HDHD5: variants seen among roughly 807,000 people sequenced by gnomAD.
HDHD5 encodes haloacid dehalogenase-like hydrolase domain-containing 5.
HDHD5 carries 34 observed loss-of-function variants against 35.5 expected under a neutral mutation model. The observed-to-expected ratio is 0.96, with a 90% CI of 0.73 to 1.28. The LOEUF is 1.28. Ranked by LOEUF, HDHD5 falls within the 50% of genes most tolerant of loss-of-function variation. HDHD5 has a pLI of 0.00. For missense variants in HDHD5, 589 were observed against 560.2 expected (o/e 1.05, Z -0.52); for synonymous variants, 248 against 240.6 (o/e 1.03, Z -0.29).
intron 4 of HDHD5, 33 bp downstream of exon 4, chr22:17,144,991 T>C (rs1460075835): frequency 6.2e-7 from 1 of 1,612,284 alleles, no homozygotes; most frequent in Non-Finnish European, 8.5e-7. Flanking sequence ...GAGTGAAGGA[T>C]GAAGACACAG....
At chr22:17,141,427 G>A in intron 5 of HDHD5, 194 bp from the exon 6 acceptor site, 1 of 1,360,954 alleles carries the variant, frequency 7.3e-7, no homozygotes, top group Non-Finnish European at 9.4e-7. Context: ...CCAGGGCCCA[G>A]GAAGGAGATT....
At chr22:17,146,257 C>A (rs1457541826) in intron 3 of HDHD5, among the ~76,000 whole-genome samples, 3 of 152,136 alleles carry the variant, frequency 2.0e-5, no homozygotes, top group African/African-American at 7.2e-5. Context: ...CCACAGGCAA[C>A]TCCTGCCCCA....
rs757749849 is a variant in HDHD5, at chr22:17,138,561, G to A, written c.924C>T (p.Leu308=). The change falls in exon 7 of 8, where the codon CTC becomes CTT. Residue 308 remains leucine, a synonymous_variant. Transcript: ENST00000336737. Reference sequence around the variant, plus strand: ...AGAGCAGAGCCTACCCCACAGCATAGAGCTTCCGGATGGGGGCGGCCCAGC... The same window carrying A: ...AGAGCAGAGCCTACCCCACAGCATAAAGCTTCCGGATGGGGGCGGCCCAGC... ...RRGWAAPIRK[L]YAVGDNPMSD... 5 of 1,614,054 alleles carry A rather than the reference G, an allele frequency of 3.1e-6. No homozygotes were observed. Among genetic ancestry groups the A allele is most frequent in the Non-Finnish European group, 4.2e-6 (5 of 1,179,954 alleles).
At chr22:17,158,246 G>A (rs1296776615) in intron 1 of HDHD5, among the ~76,000 whole-genome samples, 6 of 152,076 alleles carry the variant, frequency 3.9e-5, no homozygotes, top group African/African-American at 1.4e-4. Flanking sequence ...GCTTGAACCC[G>A]GGAGGCGGAG....
upstream of HDHD5, among the ~76,000 whole-genome samples, chr22:17,162,524 C>T (rs974655977): frequency 2.0e-5 from 3 of 152,178 alleles, no homozygotes; most frequent in Non-Finnish European, 4.4e-5. Context: ...AAAGCAGGAA[C>T]CAGAAATGGG....
At chr22:17,144,874 G>C (rs2061643010) in intron 4 of HDHD5, 150 bp downstream of exon 4, 1 of 936,244 alleles carries the variant, frequency 1.1e-6, no homozygotes, top group East Asian at 2.7e-5. Context: ...CATAAATTCA[G>C]GGAACAAAAC....
intron 5 of HDHD5, 140 bp from the exon 6 acceptor site, chr22:17,141,373 A>G (rs1173470458): frequency 1.4e-6 from 2 of 1,403,946 alleles, no homozygotes; most frequent in African/African-American, 3.0e-5. Flanking sequence ...CTCCCCAACA[A>G]GCCCAGTAGA....
chr22:17,138,456 G>A lies in HDHD5; in HGVS notation c.935+94C>T, dbSNP rs1204976593. 9.7e-6 allele frequency: 15 copies of A among 1,541,362 alleles called. No individual in the cohort carries two copies. In the East Asian group the frequency reaches 3.2e-4, roughly 32 times the overall value. On this transcript the variant is annotated intron_variant, in intron 7 of 7. Coordinates refer to ENST00000336737, the MANE Select transcript of HDHD5 (RefSeq NM_033070.3). ...CAGAGAAGAGTTTCGGGGCAGAAGA[G>A]TGAATTAGATATAGGGAAATGGGGG...
intron 1 of HDHD5, among the ~76,000 whole-genome samples, chr22:17,152,133 C>T (rs2061733630): frequency 6.6e-6 from 1 of 152,132 alleles, no homozygotes; most frequent in Non-Finnish European, 1.5e-5. Flanking sequence ...ACCAGAGGAA[C>T]CTGACCCACA....
chr22:17,156,754 C>A (rs1276151322), intron 1 of HDHD5, among the ~76,000 whole-genome samples: 2 of 145,904 alleles, frequency 1.4e-5, no homozygotes, highest in African/African-American at 5.1e-5. Flanking sequence ...CCAGCCTGGG[C>A]AACAGAGCGA....
chr22:17,143,085 G>C lies in HDHD5; in HGVS notation c.571+13C>G. The C allele has an allele frequency of 1.2e-6, 2 of 1,608,962 alleles. No homozygotes were observed. Among genetic ancestry groups the C allele is most frequent in the Non-Finnish European group, 1.7e-6 (2 of 1,177,862 alleles). Reference sequence around the variant, plus strand: ...AAAAGACCTCACAACTCATCAAAGAGGACCTCTCTTACCTTCAATGCGGGG... The same window carrying C: ...AAAAGACCTCACAACTCATCAAAGACGACCTCTCTTACCTTCAATGCGGGG... On this transcript the variant is annotated intron_variant, in intron 5 of 7. Coordinates refer to ENST00000336737, the MANE Select transcript of HDHD5 (RefSeq NM_033070.3).
chr22:17,163,881 C>T (rs2061877183), upstream of HDHD5, among the ~76,000 whole-genome samples: 2 of 152,200 alleles, frequency 1.3e-5, no homozygotes, highest in South Asian at 4.1e-4. Context: ...GTCTCCCTCA[C>T]AGTCCTGTCA....
chr22:17,142,879 G>A (rs1027566202), intron 5 of HDHD5: 12 of 511,868 alleles, frequency 2.3e-5, no homozygotes, highest in Middle Eastern at 9.7e-4. Context: ...AATTCTCTAA[G>A]CTTACGGTTT....
At position 17,149,645 on chromosome 22, in the gene HDHD5, T is replaced by G; in HGVS notation, c.227A>C (p.Asn76Thr). Reference sequence around the variant, plus strand: ...GGGCACCCGCAGCTGCCCCTGGGAGTTCACCAGCCTTCGGAAGGCTTTCAG... The same window carrying G: ...GGGCACCCGCAGCTGCCCCTGGGAGGTCACCAGCCTTCGGAAGGCTTTCAG... ...AALKAFRRLV[N>T]SQGQLRVPVV... is the part of the protein sequence containing the mutation. Residue 76 changes from asparagine to threonine, a missense_variant, in exon 2 of 8, where the codon AAC becomes ACC. Physicochemically the swap from Asn to Thr is moderately conservative, Grantham distance 65 (BLOSUM62 0). Coordinates refer to ENST00000336737, the MANE Select transcript of HDHD5 (RefSeq NM_033070.3). 1 of 1,613,716 alleles carries G rather than the reference T, an allele frequency of 6.2e-7. No homozygotes were observed. The highest frequency in any genetic ancestry group is 2.2e-5 in the East Asian group (1 of 44,876).
intron 6 of HDHD5, among the ~76,000 whole-genome samples, chr22:17,140,292 C>G (rs2061585303): frequency 3.3e-5 from 5 of 152,224 alleles, no homozygotes; most frequent in Admixed American, 3.3e-4. Flanking sequence ...AAAGGGCTGC[C>G]TCTATCTGTG....
At chr22:17,151,566 C>T (rs1429371285) in intron 1 of HDHD5, among the ~76,000 whole-genome samples, 1 of 151,978 alleles carries the variant, frequency 6.6e-6, no homozygotes, top group Non-Finnish European at 1.5e-5. Flanking sequence ...CTCGCCTCTA[C>T]TAAAAATACA....
chr22:17,155,958 A>C (rs1250861868), intron 1 of HDHD5, among the ~76,000 whole-genome samples: 2 of 152,224 alleles, frequency 1.3e-5, no homozygotes, highest in Non-Finnish European at 2.9e-5. Flanking sequence ...TTCCTTAAAA[A>C]GTCTGAAACA....
intron 2 of HDHD5, 62 bp downstream of exon 2, chr22:17,149,480 G>A (rs1378156464): frequency 2.6e-6 from 4 of 1,512,428 alleles, no homozygotes; most frequent in Non-Finnish European, 2.7e-6. Context: ...ACTTGGAGCT[G>A]GGGCAGCGGC....
chr22:17,140,436 C>A (rs1324702770), intron 6 of HDHD5, among the ~76,000 whole-genome samples: 7 of 152,080 alleles, frequency 4.6e-5, no homozygotes, highest in Admixed American at 4.6e-4. Flanking sequence ...CAGAACAATC[C>A]TTGGCCGGCA....
Sources: allele counts gnomAD v4.1 joint callset (sites outside exome capture counted in the v4.1 genomes callset), GRCh38; gene constraint gnomAD v4.1.1; transcripts MANE v1.5; gene names NCBI Gene and HGNC (gene_info 2026-07-23, HGNC 2026-07-21).